GPR176: variants seen among roughly 807,000 people sequenced by gnomAD.
The protein encoded by GPR176 is G protein-coupled receptor 176.
A neutral mutation model predicts 35.4 loss-of-function variants in GPR176; 26 were observed. That is an observed-to-expected ratio of 0.74 (90% CI 0.54 to 1.02). The LOEUF (loss-of-function observed/expected upper bound fraction) is 1.02, where lower values mean the gene tolerates loss of function less well. GPR176 is among the 50% of genes least tolerant of loss of function. GPR176 has a pLI of 0.00. For missense variants in GPR176, 597 were observed against 665.3 expected (o/e 0.90, Z 1.13); for synonymous variants, 278 against 271.3 (o/e 1.02, Z -0.24).
intron 1 of GPR176, among the ~76,000 whole-genome samples, chr15:39,907,242 T>C (rs1039918923): frequency 2.6e-5 from 4 of 152,256 alleles, no homozygotes; most frequent in African/African-American, 9.6e-5. Context: ...CTCTCTGCTT[T>C]GCTCCTCTCC....
chr15:39,826,694 A>T (rs1900676864), intron 1 of GPR176, among the ~76,000 whole-genome samples: 1 of 152,332 alleles, frequency 6.6e-6, no homozygotes, highest in Admixed American at 6.5e-5. Context: ...AGCACACATC[A>T]GCTCCTATGA....
chr15:39,886,598 C>T (rs919688771), intron 1 of GPR176, among the ~76,000 whole-genome samples: 7 of 152,242 alleles, frequency 4.6e-5, no homozygotes, highest in East Asian at 1.9e-4. Flanking sequence ...ACTTGGCACA[C>T]GAATACTAAT....
chr15:39,914,340 G>C (rs970799480), intron 1 of GPR176, among the ~76,000 whole-genome samples: 10 of 122,522 alleles, frequency 8.2e-5, no homozygotes, highest in Non-Finnish European at 3.2e-5. Context: ...TTGAGAAGGA[G>C]TCTCACTCTG....
At chr15:39,903,570 C>T (rs1005074084) in intron 1 of GPR176, among the ~76,000 whole-genome samples, 4 of 148,894 alleles carry the variant, frequency 2.7e-5, no homozygotes, top group Non-Finnish European at 4.5e-5. Flanking sequence ...TCAGTGGCTA[C>T]ATCATATGTG....
Position 39,801,050 on chromosome 15 carries a change from T to A in GPR176, c.*82A>T. Reference sequence around the variant, plus strand: ...CTCACACTGAGTTGCAAGGAGATCATACAATCACATGGCCACAGCATTCCC... The same window carrying A: ...CTCACACTGAGTTGCAAGGAGATCAAACAATCACATGGCCACAGCATTCCC... On this transcript the variant is annotated 3_prime_UTR_variant, in exon 3 of 3. Transcript: ENST00000561100. The A allele has an allele frequency of 2.5e-6, 3 of 1,215,496 alleles. No homozygotes were observed. Among genetic ancestry groups the A allele is most frequent in the Non-Finnish European group, 3.5e-6 (3 of 858,774 alleles). 75.3% of individuals were successfully genotyped at this position (1,215,496 alleles called of 1,614,324 possible).
intron 1 of GPR176, among the ~76,000 whole-genome samples, chr15:39,914,139 C>G (rs2033661025): frequency 6.6e-6 from 1 of 151,986 alleles, no homozygotes; most frequent in South Asian, 2.1e-4. Context: ...CTCAATAAAG[C>G]TTTTTTTAAA....
At chr15:39,907,467 T>A (rs2033455820) in intron 1 of GPR176, among the ~76,000 whole-genome samples, 1 of 152,236 alleles carries the variant, frequency 6.6e-6, no homozygotes, top group African/African-American at 2.4e-5. Flanking sequence ...TCCTGAGAGC[T>A]GGCCACTAGC....
rs59388406 is a variant in GPR176 at position 39,831,994 on chromosome 15, GCACACACACACA to G, written c.173-24748_173-24737del. ...CCTCTAATATCACACACATGTGCAT[GCACACACACACA>G]CACACACACACACACACACACCATG... On this transcript the variant is annotated intron_variant, in intron 1 of 2. Transcript: ENST00000561100. 2.0e-5 allele frequency among the ~76,000 whole-genome samples: 3 copies of G among 146,810 alleles called. No homozygotes were observed. The East Asian group carries it at 6.1e-4, about 30-fold the overall frequency.
intron 1 of GPR176, 24 bp downstream of exon 1, chr15:39,919,830 CG>C (rs1172554628): frequency 7.2e-7 from 1 of 1,379,666 alleles, no homozygotes; most frequent in Non-Finnish European, 9.4e-7. Flanking sequence ...AGGCCCGGTC[CG>C]GAGGCGCCCC....
Position 39,827,670 on chromosome 15 carries a change from T to TG in GPR176, c.173-20413dup, listed in dbSNP as rs575082501. 3.5e-4 allele frequency among the ~76,000 whole-genome samples: 53 copies of TG among 152,332 alleles called. No homozygotes were observed. In the South Asian group the frequency reaches 7.3e-3, roughly 21 times the overall value. ...GGACAGGTAGATTGCTACAGATATC[T>TG]GAAAGGTAGGTTGGCAGTATCTATT... On this transcript the variant is annotated intron_variant, in intron 1 of 2. Transcript: ENST00000561100.
intron 1 of GPR176, among the ~76,000 whole-genome samples, chr15:39,887,858 T>C (rs1356396119): frequency 1.3e-5 from 2 of 152,206 alleles, no homozygotes; most frequent in Non-Finnish European, 2.9e-5. Context: ...ATAAGGATTA[T>C]TTGGAGTTGA....
At chr15:39,875,541 C>T (rs2032210340) in intron 1 of GPR176, among the ~76,000 whole-genome samples, 1 of 152,122 alleles carries the variant, frequency 6.6e-6, no homozygotes, top group African/African-American at 2.4e-5. Flanking sequence ...CTTTTCAATG[C>T]TATCTATTCA....
chr15:39,891,214 T>C (rs2032859479), intron 1 of GPR176, among the ~76,000 whole-genome samples: 1 of 152,118 alleles, frequency 6.6e-6, no homozygotes, highest in Admixed American at 6.5e-5. Flanking sequence ...GCCTGGCACA[T>C]AATAAATGCC....
intron 1 of GPR176, among the ~76,000 whole-genome samples, chr15:39,877,316 C>T (rs1380120152): frequency 6.6e-6 from 1 of 152,166 alleles, no homozygotes; most frequent in African/African-American, 2.4e-5. Context: ...CCCAGCCACA[C>T]TGATACGTTT....
intron 1 of GPR176, among the ~76,000 whole-genome samples, chr15:39,872,238 A>G (rs17719272): frequency 0.27 from 40,801 of 152,136 alleles, 6,080 homozygotes; most frequent in Non-Finnish European, 0.34. Flanking sequence ...GAAGTCTGAC[A>G]TGGTGGGCCT....
chr15:39,843,672 C>T (rs991671884), intron 1 of GPR176, among the ~76,000 whole-genome samples: 5 of 152,130 alleles, frequency 3.3e-5, no homozygotes, highest in Non-Finnish European at 5.9e-5. Flanking sequence ...GTTTATAATA[C>T]AATAAATCTC....
Position 39,919,934 on chromosome 15 carries a change from G to T in GPR176, c.93C>A (p.Leu31=). 1.3e-6 allele frequency: 2 copies of T among 1,520,336 alleles called. No individual in the cohort carries two copies. Among genetic ancestry groups the T allele is most frequent in the Non-Finnish European group, 1.8e-6 (2 of 1,137,802 alleles). The allele number at this position is 1,520,336 out of a possible 1,614,324, so 94.2% of individuals were successfully genotyped here. A position where few individuals can be genotyped will look rare whatever the true frequency, so the allele number is the denominator to read the frequency against. Residue 31 remains leucine, a synonymous_variant, in exon 1 of 3, where the codon CTC becomes CTA. Coordinates refer to ENST00000561100, the MANE Select transcript of GPR176 (RefSeq NM_007223.3). ...ACAGCTGCGCCTCGCCGAACTCCCCGAGCGCGCTGCGGTTCACACCCGCAG... is the reference window on the plus strand; with the variant it reads ...ACAGCTGCGCCTCGCCGAACTCCCCTAGCGCGCTGCGGTTCACACCCGCAG... The part of the protein sequence containing the change: ...AEAAGVNRSA[L]GEFGEAQLYR...
At chr15:39,847,252 T>G (rs1336288214) in intron 1 of GPR176, among the ~76,000 whole-genome samples, 1 of 151,796 alleles carries the variant, frequency 6.6e-6, no homozygotes, top group Non-Finnish European at 1.5e-5. Context: ...AAAAATAAAA[T>G]AGCAGACTTA....
intron 1 of GPR176, among the ~76,000 whole-genome samples, chr15:39,876,828 G>A (rs1344835697): frequency 6.6e-6 from 1 of 151,940 alleles, no homozygotes. Flanking sequence ...AAAAGAGAGA[G>A]AGAGAGAGGG....
Sources: allele counts gnomAD v4.1 joint callset (sites outside exome capture counted in the v4.1 genomes callset), GRCh38; gene constraint gnomAD v4.1.1; transcripts MANE v1.5; gene names NCBI Gene and HGNC (gene_info 2026-07-23, HGNC 2026-07-21).